NCAM2: variants seen among roughly 807,000 people sequenced by gnomAD.
The protein encoded by NCAM2 is neural cell adhesion molecule 2.
Under a neutral mutation model 98.1 loss-of-function variants are expected in NCAM2, and 30 were observed. The observed-to-expected ratio is 0.31, with a 90% confidence interval of 0.23 to 0.41. The LOEUF is 0.41. Among genes scored for constraint, NCAM2 ranks in the 10% least tolerant of loss-of-function variants. The pLI is 1.00. For missense variants in NCAM2, 867 were observed against 1,005.8 expected (o/e 0.86, Z 1.87); for synonymous variants, 368 against 342.4 (o/e 1.07, Z -0.83).
intron 9 of NCAM2, among the ~76,000 whole-genome samples, chr21:21,398,792 G>A (rs1028401329): frequency 1.3e-5 from 2 of 152,138 alleles, no homozygotes; most frequent in Non-Finnish European, 2.9e-5. Flanking sequence ...TATATATTGT[G>A]CTTTAGTGGT....
At chr21:21,494,063 T>C (rs1987037629) in intron 15 of NCAM2, among the ~76,000 whole-genome samples, 1 of 151,930 alleles carries the variant, frequency 6.6e-6, no homozygotes, top group Non-Finnish European at 1.5e-5. Context: ...CTGAAAACTT[T>C]AAACATCTTA....
intron 1 of NCAM2, among the ~76,000 whole-genome samples, chr21:21,221,940 G>C (rs1340695030): frequency 6.6e-6 from 1 of 152,102 alleles, no homozygotes; most frequent in Non-Finnish European, 1.5e-5. Flanking sequence ...GTCTCTCTTG[G>C]TGTGGGGCAG....
rs1421747314 is a variant in NCAM2 at position 21,418,363 on chromosome 21, AGTT to A, written c.1384-105_1384-103del. 32 of 737,460 alleles carry A rather than the reference AGTT, an allele frequency of 4.3e-5. 1 individual carries two copies. The highest frequency in any genetic ancestry group is 3.1e-4 in the South Asian group (19 of 60,918). 45.7% of individuals were successfully genotyped at this position (737,460 alleles called of 1,614,324 possible). A position where few individuals can be genotyped will look rare whatever the true frequency, so the allele number is the denominator to read the frequency against. The stretch of plus-strand genomic sequence containing the variant: ...AGAAAATTAAAAATATATGGTAAGG[AGTT>A]GTTGGGTAAAAAATGAAATGTGTGA... On this transcript the variant is annotated intron_variant, in intron 10 of 17. Coordinates refer to ENST00000400546, the MANE Select transcript of NCAM2 (RefSeq NM_004540.5).
chr21:21,265,325 A>AT (rs2072195848), intron 1 of NCAM2, among the ~76,000 whole-genome samples: 1 of 130,930 alleles, frequency 7.6e-6, no homozygotes, highest in Admixed American at 8.1e-5. Flanking sequence ...ATATATACAC[A>AT]TATATAATAT....
intron 1 of NCAM2, among the ~76,000 whole-genome samples, chr21:21,135,034 A>G (rs1601461477): frequency 8.7e-6 from 1 of 114,742 alleles, no homozygotes; most frequent in East Asian, 2.5e-4. Context: ...GGAGATCAAG[A>G]CCAATCCTGG....
At chr21:21,492,129 T>A (rs1221377758) in intron 15 of NCAM2, among the ~76,000 whole-genome samples, 1 of 151,740 alleles carries the variant, frequency 6.6e-6, no homozygotes, top group Admixed American at 6.6e-5. Context: ...ATAACCAAAC[T>A]CTATTATTTT....
chr21:21,294,860 G>A (rs1949617285), intron 5 of NCAM2, among the ~76,000 whole-genome samples: 1 of 149,974 alleles, frequency 6.7e-6, no homozygotes, highest in South Asian at 2.1e-4. Flanking sequence ...TTATAAAACT[G>A]CTTAAAGATG....
intron 5 of NCAM2, among the ~76,000 whole-genome samples, chr21:21,322,698 A>G (rs1337656306): frequency 6.6e-6 from 1 of 152,190 alleles, no homozygotes; most frequent in African/African-American, 2.4e-5. Flanking sequence ...AAGCTGTGAC[A>G]TGAATAGGCA....
intron 9 of NCAM2, among the ~76,000 whole-genome samples, chr21:21,374,793 A>C (rs2075994703): frequency 6.6e-6 from 1 of 151,872 alleles, no homozygotes; most frequent in South Asian, 2.1e-4. Context: ...TATTGACAAA[A>C]TATTTCTATT....
At chr21:21,442,836 A>G (rs1011900325) in intron 12 of NCAM2, among the ~76,000 whole-genome samples, 4 of 152,190 alleles carry the variant, frequency 2.6e-5, no homozygotes, top group African/African-American at 9.7e-5. Flanking sequence ...TAAAAATAAT[A>G]AAAGAAAATA....
At chr21:21,294,269 T>G in intron 5 of NCAM2, among the ~76,000 whole-genome samples, 1 of 151,982 alleles carries the variant, frequency 6.6e-6, no homozygotes, top group East Asian at 1.9e-4. Context: ...AATATTCTTT[T>G]AATAAAGTGT....
At chr21:21,432,313 A>G (rs1291616110) in intron 12 of NCAM2, 32 bp downstream of exon 12, 1 of 1,597,346 alleles carries the variant, frequency 6.3e-7, no homozygotes, top group African/African-American at 1.3e-5. Context: ...GTGTTGGTTA[A>G]TTCAAGCTGA....
At chr21:21,308,882 T>G (rs1439935128) in intron 5 of NCAM2, among the ~76,000 whole-genome samples, 3 of 152,308 alleles carry the variant, frequency 2.0e-5, no homozygotes, top group African/African-American at 4.8e-5. Flanking sequence ...ATATTCTCTC[T>G]TATTACATGT....
chr21:21,073,588 A>G (rs147196678), intron 1 of NCAM2, among the ~76,000 whole-genome samples: 143 of 152,316 alleles, frequency 9.4e-4, no homozygotes, highest in African/African-American at 3.3e-3. Flanking sequence ...TTAACCTAGC[A>G]TTTCTCTAAG....
chr21:21,170,822 G>A (rs2068097512), intron 1 of NCAM2, among the ~76,000 whole-genome samples: 1 of 133,512 alleles, frequency 7.5e-6, no homozygotes, highest in African/African-American at 2.6e-5. Context: ...CTGTGGCATA[G>A]GGTGTTCCTA....
Position 21,459,435 on chromosome 21 carries a change from T to C in NCAM2, c.1655-7171T>C, listed in dbSNP as rs947740246. On this transcript the variant is annotated intron_variant, in intron 12 of 17. Transcript: ENST00000400546. ...ATGTATATACACACACACACACACA[T>C]ATGCCATATTTATAATATATATAAT... Among the ~76,000 whole-genome samples, 636 of 147,898 alleles carry C rather than the reference T, an allele frequency of 4.3e-3. 2 individuals are homozygous for C. The highest frequency in any genetic ancestry group is 0.015 in the African/African-American group (606 of 39,872).
chr21:21,440,475 A>G (rs908107161), intron 12 of NCAM2, among the ~76,000 whole-genome samples: 5 of 152,108 alleles, frequency 3.3e-5, no homozygotes, highest in African/African-American at 1.2e-4. Flanking sequence ...TGAGCTCAGG[A>G]GTTCAGGACC....
intron 1 of NCAM2, among the ~76,000 whole-genome samples, chr21:21,108,101 G>A (rs181289834): frequency 1.5e-3 from 225 of 151,990 alleles, no homozygotes; most frequent in African/African-American, 5.1e-3. Context: ...TTTAAATCCT[G>A]TACTTTAATT....
At chr21:21,211,013 C>T (rs1255965640) in intron 1 of NCAM2, among the ~76,000 whole-genome samples, 1 of 89,418 alleles carries the variant, frequency 1.1e-5, no homozygotes, top group East Asian at 2.7e-4. Flanking sequence ...CACACACACA[C>T]ACACACACAC....
Sources: gnomAD v4.1 joint callset for allele counts (sites outside exome capture counted in the v4.1 genomes callset) on GRCh38, gnomAD v4.1.1 for gene constraint, MANE v1.5 for transcripts, NCBI Gene and HGNC (gene_info 2026-07-23, HGNC 2026-07-21) for gene names.